GRK7: variants seen among roughly 807,000 people sequenced by gnomAD.
GRK7 encodes rhodopsin kinase GRK7.
A neutral mutation model predicts 34.1 loss-of-function variants in GRK7; 24 were observed. The observed-to-expected ratio is 0.70, with a 90% CI of 0.51 to 0.99. The LOEUF is 0.99. GRK7 is among the 50% of genes least tolerant of loss of function. The pLI, the probability that GRK7 is intolerant of heterozygous loss-of-function variation, is 0.00. For missense variants in GRK7, 644 were observed against 707.3 expected, an observed-to-expected ratio of 0.91 and a Z score of 1.02; for synonymous variants, 256 against 279.4, an observed-to-expected ratio of 0.92 and a Z score of 0.84.
At chr3:141,803,265 GAAAAAAAA>G (rs3057588) in intron 4 of GRK7, among the ~76,000 whole-genome samples, 3 of 106,882 alleles carry the variant, frequency 2.8e-5, no homozygotes, top group African/African-American at 1.1e-4. Flanking sequence ...TGTCTCTACT[GAAAAAAAA>G]AAAAAAAAAA....
chr3:141,800,255 GT>G (rs1473573961), intron 4 of GRK7, among the ~76,000 whole-genome samples: 3 of 151,970 alleles, frequency 2.0e-5, no homozygotes, highest in Non-Finnish European at 4.4e-5. Flanking sequence ...CTCAGGTGGG[GT>G]ATGGAGATAT....
intron 4 of GRK7, among the ~76,000 whole-genome samples, chr3:141,793,140 A>G (rs1327844931): frequency 2.0e-5 from 3 of 152,216 alleles, no homozygotes; most frequent in Non-Finnish European, 4.4e-5. Flanking sequence ...ATAACAAACC[A>G]GAAAACATAA....
chr3:141,780,187 G>A (rs1246604943), intron 3 of GRK7, among the ~76,000 whole-genome samples, 187 bp from the exon 4 acceptor site: 1 of 152,006 alleles, frequency 6.6e-6, no homozygotes, highest in Non-Finnish European at 1.5e-5. Context: ...TTTTATGAAG[G>A]CCTGCCTAGT....
intron 5 of GRK7, among the ~76,000 whole-genome samples, chr3:141,813,866 G>A (rs1233729685): frequency 1.3e-5 from 2 of 152,180 alleles, no homozygotes; most frequent in African/African-American, 4.8e-5. Flanking sequence ...CAAAAATACA[G>A]GACTTAGAGA....
At position 141,767,543 on chromosome 3, in the gene GRK7, G is replaced by A. The variant is rs112711674; in HGVS notation, c.-215+1805G>A. ...AGCCTCCTGATTAGCTGGGACTATA[G>A]GCATGTGCCACCATGCCCAGATTTT... On this transcript the variant is annotated intron_variant, in intron 1 of 5. Coordinates refer to ENST00000682958, the MANE Select transcript of GRK7 (RefSeq NM_139209.3). 8.6e-4 allele frequency among the ~76,000 whole-genome samples: 131 copies of A among 152,154 alleles called. 2 individuals carry two copies. The East Asian group carries it at 0.022, about 26-fold the overall frequency.
intron 1 of GRK7, among the ~76,000 whole-genome samples, chr3:141,771,067 G>A (rs1559838420): frequency 6.6e-6 from 1 of 151,388 alleles, no homozygotes; most frequent in East Asian, 1.9e-4. Flanking sequence ...CCCACTATTG[G>A]GTATCTCCTC....
At chr3:141,780,310 A>T (rs1478691018) in intron 3 of GRK7, 64 bp from the exon 4 acceptor site, 1 of 1,363,548 alleles carries the variant, frequency 7.3e-7, no homozygotes, top group Non-Finnish European at 1.0e-6. Flanking sequence ...CTCCTTTATC[A>T]TCTCCACCTC....
chr3:141,766,526 GA>G (rs887831670), intron 1 of GRK7, among the ~76,000 whole-genome samples: 29 of 146,350 alleles, frequency 2.0e-4, no homozygotes, highest in East Asian at 9.9e-4. Context: ...CACCAAATGT[GA>G]AAAAAAAAAG....
At position 141,816,938 on chromosome 3, in the gene GRK7, G is replaced by T; in HGVS notation, c.1550G>T (p.Trp517Leu). The change falls in exon 6 of 6, where the codon TGG (tryptophan) becomes TTG (leucine). Residue 517 changes from tryptophan (W) to leucine (L), a missense_variant. Physicochemically the swap from Trp to Leu is moderately conservative, Grantham distance 61. Transcript: ENST00000682958. ...NFATGAVPIA[W>L]QEEIIETGLF... ...GCGACAGGTGCTGTTCCTATAGCAT[G>T]GCAGGAAGAAATTATAGAAACGGGA... 6.2e-7 allele frequency: 1 copy of T among 1,614,040 alleles called. No homozygotes were observed. Among genetic ancestry groups the T allele is most frequent in the Non-Finnish European group, 8.5e-7 (1 of 1,179,934 alleles).
At chr3:141,813,522 G>A (rs75596403) in intron 5 of GRK7, among the ~76,000 whole-genome samples, 9,206 of 152,236 alleles carry the variant, frequency 0.06, 331 homozygotes, top group African/African-American at 0.11. Flanking sequence ...TGGGGCAGTC[G>A]GTTCTGGTAG....
upstream of GRK7, among the ~76,000 whole-genome samples, chr3:141,760,107 G>C (rs2084548595): frequency 6.6e-6 from 1 of 151,510 alleles, no homozygotes; most frequent in African/African-American, 2.4e-5. Context: ...CAAAAAACCA[G>C]CTCCTGGATT....
At chr3:141,784,511 C>T (rs1559842270) in intron 4 of GRK7, among the ~76,000 whole-genome samples, 1 of 152,200 alleles carries the variant, frequency 6.6e-6, no homozygotes, top group East Asian at 1.9e-4. Flanking sequence ...GGCCTCCTTT[C>T]TTCACTGTTT....
At chr3:141,754,499 A>G in the GRK7 span, among the ~76,000 whole-genome samples, 1 of 146,904 alleles carries the variant, frequency 6.8e-6, no homozygotes, top group African/African-American at 2.6e-5. Context: ...CAGTGGTGCA[A>G]TCTCTGCTCA....
At chr3:141,772,542 G>A (rs900660123) in intron 1 of GRK7, among the ~76,000 whole-genome samples, 1 of 152,180 alleles carries the variant, frequency 6.6e-6, no homozygotes, top group Non-Finnish European at 1.5e-5. Context: ...GGACCATGCA[G>A]AGAATTGGGC....
chr3:141,795,778 T>TA (rs111715389), intron 4 of GRK7, among the ~76,000 whole-genome samples: 1,951 of 144,968 alleles, frequency 0.013, 22 homozygotes, highest in Non-Finnish European at 0.022. Flanking sequence ...TGCTCTATGT[T>TA]AAAAAAAAAA....
At chr3:141,796,183 G>A (rs951223676) in intron 4 of GRK7, among the ~76,000 whole-genome samples, 2 of 152,176 alleles carry the variant, frequency 1.3e-5, no homozygotes, top group African/African-American at 4.8e-5. Context: ...GAGAGTGGGG[G>A]CTGACGTCAC....
chr3:141,803,951 C>T (rs1328227938), intron 4 of GRK7, among the ~76,000 whole-genome samples: 7 of 152,050 alleles, frequency 4.6e-5, no homozygotes, highest in South Asian at 2.1e-4. Flanking sequence ...TCTCATGATC[C>T]GCCCGCCTCA....
chr3:141,788,047 A>G (rs560333230), intron 4 of GRK7, among the ~76,000 whole-genome samples: 3 of 152,252 alleles, frequency 2.0e-5, no homozygotes, highest in Non-Finnish European at 2.9e-5. Flanking sequence ...AACAAAAACA[A>G]ATAATACCTA....
chr3:141,780,455 G>A lies in GRK7; in HGVS notation c.694G>A (p.Gly232Ser). 1 of 1,614,228 alleles carries A rather than the reference G, an allele frequency of 6.2e-7. No individual in the cohort carries two copies. The highest frequency in any genetic ancestry group is 8.5e-7 in the Non-Finnish European group (1 of 1,180,036). The change falls in exon 4 of 6, where the codon GGC becomes AGC. Residue 232 changes from glycine to serine, a missense_variant. Coordinates refer to ENST00000682958, the MANE Select transcript of GRK7 (RefSeq NM_139209.3). ...LDKKRLKKKG[G>S]EKMALLEKEI... ...CAAGAAGCGGCTGAAGAAGAAAGGT[G>A]GCGAGAAGATGGCTCTCTTGGAAAA...
Sources: allele counts gnomAD v4.1 joint callset (sites outside exome capture counted in the v4.1 genomes callset), GRCh38; gene constraint gnomAD v4.1.1; transcripts MANE v1.5; gene names NCBI Gene and HGNC (gene_info 2026-07-23, HGNC 2026-07-21).